ME1: variants seen among roughly 807,000 people sequenced by gnomAD.
ME1 encodes NADP-dependent malic enzyme.
A neutral mutation model predicts 66.4 loss-of-function variants in ME1; 74 were observed. That is an observed-to-expected ratio of 1.11 (90% CI 0.92 to 1.35). The LOEUF is 1.35. Ranked by LOEUF, ME1 falls within the 40% of genes most tolerant of loss-of-function variation. The pLI is 0.00. For synonymous variants in ME1, 251 were observed against 235.6 expected, an observed-to-expected ratio of 1.07 and a Z score of -0.60; for missense variants, 750 against 694.1, an observed-to-expected ratio of 1.08 and a Z score of -0.90.
At chr6:83,245,461 A>G (rs1790601354) in intron 7 of ME1, among the ~76,000 whole-genome samples, 1 of 152,118 alleles carries the variant, frequency 6.6e-6, no homozygotes, top group East Asian at 1.9e-4. Context: ...GCTGGAGTGC[A>G]ATGGCATGAT....
intron 6 of ME1, among the ~76,000 whole-genome samples, chr6:83,287,729 A>G (rs764887927): frequency 4.6e-5 from 7 of 152,190 alleles, no homozygotes; most frequent in Non-Finnish European, 1.0e-4. Flanking sequence ...GAATCGCCAC[A>G]CTGTCTTCCA....
Position 83,237,814 on chromosome 6 carries a change from G to T in ME1, c.929C>A (p.Ala310Glu), listed in dbSNP as rs754746412. The change falls in exon 9 of 14, where the codon GCA becomes GAA. Residue 310 changes from alanine (A) to glutamate (E), a missense_variant. Transcript: ENST00000369705. ...QGAGEAALGI[A>E]HLIVMALEKE... The stretch of plus-strand genomic sequence containing the variant: ...TTCCAAGGCCATCACAATCAGGTGT[G>T]CAATCCCTAGGGCAGCCTCAGTGAT... 6.2e-7 allele frequency: 1 copy of T among 1,601,930 alleles called. No homozygotes were observed. Among genetic ancestry groups the T allele is most frequent in the Admixed American group, 1.7e-5 (1 of 58,768 alleles).
chr6:83,401,296 G>A (rs1264282243), intron 2 of ME1, among the ~76,000 whole-genome samples: 2 of 152,128 alleles, frequency 1.3e-5, no homozygotes, highest in African/African-American at 4.8e-5. Context: ...GGTCACGTCA[G>A]TGCACTGCAG....
intron 6 of ME1, among the ~76,000 whole-genome samples, chr6:83,267,411 A>G (rs1421102778): frequency 6.6e-6 from 1 of 152,220 alleles, no homozygotes; most frequent in Non-Finnish European, 1.5e-5. Context: ...ACTACTAAGC[A>G]AAATACTCAG....
intron 5 of ME1, among the ~76,000 whole-genome samples, chr6:83,321,645 C>A (rs953371222): frequency 6.6e-6 from 1 of 152,182 alleles, no homozygotes; most frequent in Non-Finnish European, 1.5e-5. Flanking sequence ...AAAGCAGCAG[C>A]CCCAGTCAGG....
chr6:83,323,021 A>G (rs1768209710), intron 5 of ME1, among the ~76,000 whole-genome samples: 1 of 152,208 alleles, frequency 6.6e-6, no homozygotes, highest in South Asian at 2.1e-4. Flanking sequence ...AAAGAAAAGA[A>G]TTTTCAACCC....
intron 6 of ME1, among the ~76,000 whole-genome samples, chr6:83,279,457 A>G (rs1767249925): frequency 6.6e-6 from 1 of 152,196 alleles, no homozygotes. Flanking sequence ...CTAAGAATCG[A>G]AAGGTAATGA....
In ME1 at chr6:83,211,917, T is replaced by C; in HGVS notation, c.*7A>G. The C allele has an allele frequency of 6.4e-7, 1 of 1,571,898 alleles. No homozygotes were observed. On this transcript the variant is annotated 3_prime_UTR_variant, in exon 14 of 14. Transcript: ENST00000369705. Reference sequence around the variant, plus strand: ...CATTAATAGAGTTAGAAATGTTTGCTATTATCCTACTGGTCAACTTTGGTC... The same window carrying C: ...CATTAATAGAGTTAGAAATGTTTGCCATTATCCTACTGGTCAACTTTGGTC...
At chr6:83,258,236 A>G (rs1766819696) in intron 6 of ME1, among the ~76,000 whole-genome samples, 2 of 152,192 alleles carry the variant, frequency 1.3e-5, no homozygotes, top group Admixed American at 6.6e-5. Flanking sequence ...TAGAAACTAT[A>G]TATCAGTTTT....
intron 3 of ME1, among the ~76,000 whole-genome samples, chr6:83,394,528 C>A (rs1442813480): frequency 2.0e-5 from 3 of 152,128 alleles, no homozygotes; most frequent in Non-Finnish European, 4.4e-5. Flanking sequence ...ATGCGGCCAA[C>A]TCTTTTCTTT....
At chr6:83,351,429 G>T (rs1768800805) in intron 4 of ME1, among the ~76,000 whole-genome samples, 1 of 152,056 alleles carries the variant, frequency 6.6e-6, no homozygotes, top group African/African-American at 2.4e-5. Flanking sequence ...CTTAGACAAG[G>T]AAGATGGCAT....
chr6:83,274,313 G>C (rs1767136229), intron 6 of ME1, among the ~76,000 whole-genome samples: 1 of 152,116 alleles, frequency 6.6e-6, no homozygotes, highest in Non-Finnish European at 1.5e-5. Context: ...GCAGTGGATA[G>C]ATGGAAAAAG....
At chr6:83,332,064 T>C (rs1768423175) in intron 5 of ME1, among the ~76,000 whole-genome samples, 2 of 152,068 alleles carry the variant, frequency 1.3e-5, no homozygotes, top group South Asian at 4.1e-4. Context: ...ACGTAACAAG[T>C]AAACTTTATA....
At chr6:83,328,382 G>C (rs1768341851) in intron 5 of ME1, among the ~76,000 whole-genome samples, 1 of 152,084 alleles carries the variant, frequency 6.6e-6, no homozygotes, top group African/African-American at 2.4e-5. Flanking sequence ...GTTGATGAGT[G>C]CAGCAAACCA....
At chr6:83,333,014 G>A (rs1394783182) in intron 5 of ME1, among the ~76,000 whole-genome samples, 1 of 152,172 alleles carries the variant, frequency 6.6e-6, no homozygotes, top group Non-Finnish European at 1.5e-5. Context: ...AGCTGCAGAA[G>A]CTTAAAAGCA....
At chr6:83,323,578 A>G (rs189274422) in intron 5 of ME1, among the ~76,000 whole-genome samples, 1 of 152,322 alleles carries the variant, frequency 6.6e-6, no homozygotes, top group East Asian at 1.9e-4. Context: ...ATAAAGATCA[A>G]AAGAGACAAA....
intron 1 of ME1, among the ~76,000 whole-genome samples, chr6:83,415,113 T>G (rs10485146): frequency 0.028 from 4,215 of 152,256 alleles, 197 homozygotes; most frequent in African/African-American, 0.093. Flanking sequence ...AAATCCTCTA[T>G]GCCTATGATA....
At chr6:83,344,736 C>A (rs1394138555) in intron 5 of ME1, among the ~76,000 whole-genome samples, 3 of 147,474 alleles carry the variant, frequency 2.0e-5, no homozygotes, top group African/African-American at 7.5e-5. Context: ...ACAAAAAATT[C>A]ACCGAACATG....
intron 2 of ME1, among the ~76,000 whole-genome samples, chr6:83,400,569 C>A (rs1287253071): frequency 2.6e-5 from 4 of 152,130 alleles, no homozygotes; most frequent in Non-Finnish European, 5.9e-5. Context: ...AAAATATATC[C>A]AAAATCTGAC....
Sources: gnomAD v4.1 joint callset for allele counts (sites outside exome capture counted in the v4.1 genomes callset) on GRCh38, gnomAD v4.1.1 for gene constraint, MANE v1.5 for transcripts, NCBI Gene and HGNC (gene_info 2026-07-23, HGNC 2026-07-21) for gene names.